Variants in CNTNAP2 observed in about 807,000 individuals in gnomAD.
CNTNAP2 encodes the protein contactin-associated protein-like 2.
In CNTNAP2, 98 loss-of-function variants were observed where a neutral mutation model predicts 155.2. The observed-to-expected ratio is 0.63, with a 90% CI of 0.54 to 0.75. CNTNAP2 has a LOEUF of 0.75. Ranked by LOEUF, CNTNAP2 falls within the 30% of genes least tolerant of loss-of-function variation. The pLI is 0.00. For synonymous variants in CNTNAP2, 651 were observed against 631.2 expected, an observed-to-expected ratio of 1.03 and a Z score of -0.47; for missense variants, 1,727 against 1,688.1, an observed-to-expected ratio of 1.02 and a Z score of -0.40.
At chr7:146,332,843 T>C (rs1801208022) in intron 1 of CNTNAP2, among the ~76,000 whole-genome samples, 1 of 152,132 alleles carries the variant, frequency 6.6e-6, no homozygotes, top group Admixed American at 6.5e-5. Flanking sequence ...AAAGTATCAT[T>C]CTATGCATGT....
chr7:146,959,082 C>T (rs1049574964), intron 3 of CNTNAP2, among the ~76,000 whole-genome samples: 7 of 151,828 alleles, frequency 4.6e-5, no homozygotes, highest in Admixed American at 1.3e-4. Flanking sequence ...TGCAGTGGCG[C>T]CATCTCGGCT....
At chr7:146,305,706 A>T (rs1800698670) in intron 1 of CNTNAP2, among the ~76,000 whole-genome samples, 1 of 152,200 alleles carries the variant, frequency 6.6e-6, no homozygotes. Context: ...AATGAGAACA[A>T]AGACACAACA....
intron 1 of CNTNAP2, among the ~76,000 whole-genome samples, chr7:146,610,355 C>T (rs145669278): frequency 1.1e-4 from 17 of 152,168 alleles, no homozygotes; most frequent in African/African-American, 4.1e-4. Context: ...AAAAGGTGCA[C>T]ATTTGACAGG....
intron 18 of CNTNAP2, among the ~76,000 whole-genome samples, chr7:148,181,468 A>G (rs1190832469): frequency 2.6e-5 from 4 of 152,188 alleles, no homozygotes; most frequent in Non-Finnish European, 1.5e-5. Flanking sequence ...TTAATTCAGA[A>G]AAGTCAAAGC....
intron 8 of CNTNAP2, among the ~76,000 whole-genome samples, chr7:147,180,825 A>T (rs1802441366): frequency 6.6e-6 from 1 of 152,184 alleles, no homozygotes; most frequent in Non-Finnish European, 1.5e-5. Flanking sequence ...AAAGAAAATG[A>T]ACTGTCATTA....
chr7:147,140,927 G>C (rs1801579284), intron 8 of CNTNAP2, among the ~76,000 whole-genome samples: 1 of 152,110 alleles, frequency 6.6e-6, no homozygotes, highest in Admixed American at 6.5e-5. Flanking sequence ...AGGCTGGCGA[G>C]AATGAGACTC....
rs1805800485 is a variant in CNTNAP2 at position 148,171,866 on chromosome 7, T to C, written c.2774-376T>C. ...ATACATTCATGTCTCTGCCTTTATA[T>C]TTTTTCAATAAGTAATGCTACAGAA... On this transcript the variant is annotated intron_variant, in intron 17 of 23. Transcript: ENST00000361727. 2.6e-5 allele frequency among the ~76,000 whole-genome samples: 4 copies of C among 152,224 alleles called. No individual in the cohort carries two copies. The South Asian group carries it at 8.3e-4, about 31-fold the overall frequency.
chr7:146,679,347 C>CTTTTTTTT lies in CNTNAP2; in HGVS notation c.98-94911_98-94904dup, dbSNP rs34541415. On this transcript the variant is annotated intron_variant, in intron 1 of 23. Coordinates refer to ENST00000361727, the MANE Select transcript of CNTNAP2 (RefSeq NM_014141.6). ...CCATGCAAAGGACATGATCTTGTTT[C>CTTTTTTTT]TTTTTTTTTTTTTTTTTTTTGGAGA... Among the ~76,000 whole-genome samples, 38 of 106,946 alleles carry CTTTTTTTT rather than the reference C, an allele frequency of 3.6e-4. 2 individuals carry two copies. Among genetic ancestry groups the CTTTTTTTT allele is most frequent in the Non-Finnish European group, 3.6e-4 (21 of 57,768 alleles). 70.2% of individuals were successfully genotyped at this position (106,946 alleles called of 152,430 possible). A position where few individuals can be genotyped will look rare whatever the true frequency, so the allele number is the denominator to read the frequency against.
At chr7:148,250,729 C>A (rs890542216) in intron 20 of CNTNAP2, among the ~76,000 whole-genome samples, 3 of 152,240 alleles carry the variant, frequency 2.0e-5, no homozygotes, top group African/African-American at 7.2e-5. Context: ...GTCCTGTCCT[C>A]ACCTCTATCC....
chr7:147,217,779 GCTTT>G lies in CNTNAP2; in HGVS notation c.1349-82359_1349-82356del, dbSNP rs570146056. 7.5e-4 allele frequency among the ~76,000 whole-genome samples: 114 copies of G among 152,042 alleles called. 1 individual carries two copies. Among genetic ancestry groups the G allele is most frequent in the African/African-American group, 2.5e-3 (103 of 41,526 alleles). On this transcript the variant is annotated intron_variant, in intron 8 of 23. Coordinates refer to ENST00000361727, the MANE Select transcript of CNTNAP2 (RefSeq NM_014141.6). ...ACCAGCGAACACTTACGGACCTGAT[GCTTT>G]CTGTTTTGGAAAGATTATTAATAAT...
intron 8 of CNTNAP2, among the ~76,000 whole-genome samples, chr7:147,257,922 G>C (rs1385445852): frequency 6.6e-6 from 1 of 152,224 alleles, no homozygotes; most frequent in African/African-American, 2.4e-5. Context: ...ATTGAACAAA[G>C]TCTTAAGTAC....
At chr7:148,259,018 A>G (rs545784960) in intron 20 of CNTNAP2, among the ~76,000 whole-genome samples, 87 of 151,582 alleles carry the variant, frequency 5.7e-4, no homozygotes, top group African/African-American at 2.0e-3. Context: ...TCTACTAAAA[A>G]TACAAAAATT....
At position 146,936,489 on chromosome 7, in the gene CNTNAP2, C is replaced by T. The variant is rs554518013; in HGVS notation, c.402+96585C>T. On this transcript the variant is annotated intron_variant, in intron 3 of 23. Coordinates refer to ENST00000361727, the MANE Select transcript of CNTNAP2 (RefSeq NM_014141.6). ...ACATTTACGATGGTGATAGTGACAT[C>T]GATGAATAAAGTTTTGGCCAATCTC... Among the ~76,000 whole-genome samples, 5 of 152,206 alleles carry T rather than the reference C, an allele frequency of 3.3e-5. No homozygotes were observed. The South Asian group carries it at 6.2e-4, about 19-fold the overall frequency.
At chr7:147,721,136 G>A (rs1199302152) in intron 13 of CNTNAP2, among the ~76,000 whole-genome samples, 1 of 152,044 alleles carries the variant, frequency 6.6e-6, no homozygotes, top group Non-Finnish European at 1.5e-5. Context: ...AATTAGGTGG[G>A]CAGGCATACC....
rs143417490 is a variant in CNTNAP2 at position 147,786,876 on chromosome 7, G to A, written c.2099-116689G>A. Among the ~76,000 whole-genome samples the A allele has an allele frequency of 6.6e-3, 1,001 of 152,170 alleles. 6 individuals carry two copies. The highest frequency in any genetic ancestry group is 0.012 in the Non-Finnish European group (788 of 68,006). The stretch of plus-strand genomic sequence containing the variant: ...CCCTGCTACTCATGAAACTGAGGTG[G>A]GAGGATATGTGGAGCCCAGGATTTC... On this transcript the variant is annotated intron_variant, in intron 13 of 23. Coordinates refer to ENST00000361727, the MANE Select transcript of CNTNAP2 (RefSeq NM_014141.6).
chr7:146,993,309 G>A (rs1383185017), intron 3 of CNTNAP2, among the ~76,000 whole-genome samples: 1 of 152,104 alleles, frequency 6.6e-6, no homozygotes, highest in Non-Finnish European at 1.5e-5. Flanking sequence ...CTTGGGAGGT[G>A]AGCAAGTGCA....
intron 1 of CNTNAP2, among the ~76,000 whole-genome samples, chr7:146,193,659 G>T (rs115719111): frequency 0.015 from 2,240 of 152,292 alleles, 60 homozygotes; most frequent in African/African-American, 0.051. Context: ...GATGGGAGGG[G>T]CTGCCATGAA....
At chr7:147,366,622 A>G (rs1796233588) in intron 9 of CNTNAP2, among the ~76,000 whole-genome samples, 1 of 152,080 alleles carries the variant, frequency 6.6e-6, no homozygotes, top group South Asian at 2.1e-4. Context: ...AAGTAAAACA[A>G]TAAATTTCAC....
At chr7:146,437,774 G>T (rs986349650) in intron 1 of CNTNAP2, among the ~76,000 whole-genome samples, 5 of 151,500 alleles carry the variant, frequency 3.3e-5, no homozygotes, top group Admixed American at 6.6e-5. Flanking sequence ...TTTCTAGCCT[G>T]TTTGGGCACT....
Sources: allele counts gnomAD v4.1 joint callset (sites outside exome capture counted in the v4.1 genomes callset), GRCh38; gene constraint gnomAD v4.1.1; transcripts MANE v1.5; gene names NCBI Gene and HGNC (gene_info 2026-07-23, HGNC 2026-07-21).